GULP1: variants seen among roughly 807,000 people sequenced by gnomAD.
GULP1 encodes GULP PTB domain containing engulfment adaptor 1.
In GULP1, 19 loss-of-function variants were observed where a neutral mutation model predicts 40.9. That is an observed-to-expected ratio of 0.46 (90% confidence interval 0.32 to 0.68). The LOEUF is 0.68. GULP1 is among the 30% of genes least tolerant of loss of function. The pLI is 0.03. For missense variants in GULP1, 312 were observed against 362.2 expected (o/e 0.86, Z 1.12); for synonymous variants, 119 against 117.6 (o/e 1.01, Z -0.08).
chr2:188,328,656 A>G (rs1407257126), intron 1 of GULP1, among the ~76,000 whole-genome samples: 2 of 152,140 alleles, frequency 1.3e-5, no homozygotes, highest in African/African-American at 2.4e-5. Context: ...CTGTAACAGA[A>G]TAAGTAATGT....
intron 2 of GULP1, among the ~76,000 whole-genome samples, chr2:188,418,115 G>A (rs2054839345): frequency 2.0e-5 from 3 of 151,676 alleles, no homozygotes; most frequent in African/African-American, 7.3e-5. Context: ...CATACAGTCT[G>A]TTTTTATTTA....
chr2:188,365,994 A>G (rs2046729000), intron 1 of GULP1, among the ~76,000 whole-genome samples: 1 of 152,144 alleles, frequency 6.6e-6, no homozygotes, highest in Non-Finnish European at 1.5e-5. Flanking sequence ...GATGATGGGA[A>G]CAACAATGTC....
chr2:188,500,909 T>A (rs1389875151), intron 4 of GULP1, among the ~76,000 whole-genome samples: 1 of 151,942 alleles, frequency 6.6e-6, no homozygotes, highest in South Asian at 2.1e-4. Flanking sequence ...TGCTGACTTA[T>A]CAACTCTATT....
chr2:188,397,303 C>T (rs563812925), intron 2 of GULP1, among the ~76,000 whole-genome samples: 1 of 152,016 alleles, frequency 6.6e-6, no homozygotes, highest in South Asian at 2.1e-4. Flanking sequence ...CAGAATCTAC[C>T]TTCTCTAAAA....
Position 188,587,936 on chromosome 2 carries a change from T to G in GULP1, c.830T>G (p.Leu277Ter). ...ADFPPDIQSK[L>*]DEMQEGFKMG... ...TTCCCTCCAGATATTCAATCAAAAT[T>G]AGATGAGATGCAGGTGACTATTTTG... The change falls in exon 11 of 12, where the codon TTA (leucine) becomes TGA (stop). Residue 277 changes from leucine to a stop codon, truncating the protein, a stop_gained. Coordinates refer to ENST00000409830, the MANE Select transcript of GULP1 (RefSeq NM_016315.4). LOFTEE classifies it high-confidence loss of function. The G allele has an allele frequency of 6.4e-7, 1 of 1,558,398 alleles. No homozygotes were observed. Among genetic ancestry groups the G allele is most frequent in the Non-Finnish European group, 8.9e-7 (1 of 1,129,224 alleles).
intron 4 of GULP1, among the ~76,000 whole-genome samples, 168 bp downstream of exon 4, chr2:188,483,660 A>C (rs550472345): frequency 6.6e-6 from 1 of 152,252 alleles, no homozygotes; most frequent in East Asian, 1.9e-4. Flanking sequence ...TCTCTGTAGA[A>C]TAGTTTCTCT....
intron 2 of GULP1, among the ~76,000 whole-genome samples, chr2:188,386,399 T>C (rs1343527883): frequency 6.6e-6 from 1 of 152,148 alleles, no homozygotes; most frequent in Non-Finnish European, 1.5e-5. Flanking sequence ...CAATTCAAGG[T>C]GAAATTTGGG....
At chr2:188,522,965 A>C (rs188351264) in intron 5 of GULP1, 138 bp downstream of exon 5, 2 of 551,676 alleles carry the variant, frequency 3.6e-6, no homozygotes, top group Admixed American at 5.6e-5. Flanking sequence ...GAACAAATGT[A>C]ATCATATCAA....
intron 1 of GULP1, among the ~76,000 whole-genome samples, chr2:188,337,536 A>G (rs2042434091): frequency 6.6e-6 from 1 of 151,304 alleles, no homozygotes; most frequent in Non-Finnish European, 1.5e-5. Flanking sequence ...GAAATTAGTG[A>G]CAAAAAACAA....
chr2:188,566,673 G>A (rs958107319), intron 7 of GULP1, among the ~76,000 whole-genome samples: 1 of 151,380 alleles, frequency 6.6e-6, no homozygotes, highest in African/African-American at 2.4e-5. Flanking sequence ...GTGCGTGCCT[G>A]TAGTCCCAGC....
intron 2 of GULP1, among the ~76,000 whole-genome samples, chr2:188,435,962 C>T (rs562488978): frequency 2.1e-4 from 32 of 152,212 alleles, no homozygotes; most frequent in Non-Finnish European, 3.7e-4. Context: ...GCCAGGTCTA[C>T]GCATGTTAAT....
At position 188,302,153 on chromosome 2, in the gene GULP1, G is replaced by A. The variant is rs1197034690; in HGVS notation, c.-172+9987G>A. Reference sequence around the variant, plus strand: ...GTTTTGTAAATTTTAGATATGGTTAGTGCTATTAGTCTATAAAAACTTATT... The same window carrying A: ...GTTTTGTAAATTTTAGATATGGTTAATGCTATTAGTCTATAAAAACTTATT... On this transcript the variant is annotated intron_variant, in intron 1 of 11. Coordinates refer to ENST00000409830, the MANE Select transcript of GULP1 (RefSeq NM_016315.4). Among the ~76,000 whole-genome samples, 4 of 152,094 alleles carry A rather than the reference G, an allele frequency of 2.6e-5. No homozygotes were observed. The East Asian group carries it at 7.7e-4, about 29-fold the overall frequency.
At chr2:188,417,202 C>G (rs2054699786) in intron 2 of GULP1, among the ~76,000 whole-genome samples, 1 of 152,182 alleles carries the variant, frequency 6.6e-6, no homozygotes, top group Non-Finnish European at 1.5e-5. Flanking sequence ...TTCCCATTCT[C>G]TCTTAGGACA....
intron 4 of GULP1, among the ~76,000 whole-genome samples, chr2:188,513,832 C>G (rs1157710829): frequency 6.6e-6 from 1 of 152,000 alleles, no homozygotes; most frequent in Non-Finnish European, 1.5e-5. Flanking sequence ...TTGAATAACA[C>G]TCTTTGATTC....
chr2:188,520,189 G>A (rs1440827921), intron 4 of GULP1, among the ~76,000 whole-genome samples: 2 of 152,088 alleles, frequency 1.3e-5, no homozygotes, highest in African/African-American at 2.4e-5. Context: ...CTGAAAGCCT[G>A]TTCATATCTT....
intron 6 of GULP1, among the ~76,000 whole-genome samples, chr2:188,536,607 C>T (rs1337622023): frequency 1.3e-5 from 2 of 151,838 alleles, no homozygotes; most frequent in Admixed American, 6.6e-5. Flanking sequence ...GTACAGTCAT[C>T]GGGTAATGTG....
chr2:188,473,157 C>T (rs4588151), intron 2 of GULP1, among the ~76,000 whole-genome samples: 13 of 118,772 alleles, frequency 1.1e-4, no homozygotes, highest in African/African-American at 3.6e-4. Flanking sequence ...GTCTCTCTTT[C>T]TCTCTCTCTC....
At chr2:188,507,136 C>A (rs1396382367) in intron 4 of GULP1, among the ~76,000 whole-genome samples, 2 of 151,860 alleles carry the variant, frequency 1.3e-5, no homozygotes, top group Non-Finnish European at 2.9e-5. Flanking sequence ...TAACTGAGGC[C>A]CCTCCAGCTC....
At chr2:188,348,495 A>G (rs1450253129) in intron 1 of GULP1, among the ~76,000 whole-genome samples, 3 of 152,198 alleles carry the variant, frequency 2.0e-5, no homozygotes, top group African/African-American at 7.2e-5. Flanking sequence ...GATTAAACAT[A>G]TATTTATGAA....
Sources: gnomAD v4.1 joint callset for allele counts (sites outside exome capture counted in the v4.1 genomes callset) on GRCh38, gnomAD v4.1.1 for gene constraint, MANE v1.5 for transcripts, NCBI Gene and HGNC (gene_info 2026-07-23, HGNC 2026-07-21) for gene names.